DOCK3: variants seen among roughly 807,000 people sequenced by gnomAD.
The protein encoded by DOCK3 is dedicator of cytokinesis protein 3.
DOCK3 carries 60 observed loss-of-function variants against 265.6 expected under a neutral mutation model. That is an observed-to-expected ratio of 0.23 (90% CI 0.18 to 0.28). The LOEUF (loss-of-function observed/expected upper bound fraction) is 0.28, where lower values mean the gene tolerates loss of function less well. Among genes scored for constraint, DOCK3 ranks in the 10% least tolerant of loss-of-function variants. The pLI is 1.00. For synonymous variants in DOCK3, 881 were observed against 938.0 expected (o/e 0.94, Z 1.11); for missense variants, 1,981 against 2,594.3 (o/e 0.76, Z 5.14).
intron 19 of DOCK3, among the ~76,000 whole-genome samples, chr3:51,233,237 G>A (rs1041550820): frequency 6.6e-6 from 1 of 152,048 alleles, no homozygotes; most frequent in Non-Finnish European, 1.5e-5. Context: ...TAACAATATC[G>A]ATTCTTCCAA....
intron 12 of DOCK3, among the ~76,000 whole-genome samples, chr3:51,198,633 C>T (rs951411236): frequency 3.3e-5 from 5 of 149,350 alleles, no homozygotes; most frequent in Admixed American, 6.7e-5. Flanking sequence ...GAGACTATGA[C>T]TAATACAATC....
chr3:50,833,080 C>CTGGG (rs1357765461), intron 2 of DOCK3, among the ~76,000 whole-genome samples: 3 of 152,060 alleles, frequency 2.0e-5, no homozygotes, highest in African/African-American at 7.2e-5. Flanking sequence ...GTTGTTGGAA[C>CTGGG]CAAGCTGATA....
chr3:51,272,820 C>T (rs1471111103), intron 24 of DOCK3, among the ~76,000 whole-genome samples: 1 of 151,942 alleles, frequency 6.6e-6, no homozygotes, highest in Non-Finnish European at 1.5e-5. Flanking sequence ...GTTTGGGGCA[C>T]ACTGTCACTG....
At chr3:51,360,721 T>TA in intron 47 of DOCK3, 89 bp downstream of exon 47, 1 of 1,539,028 alleles carries the variant, frequency 6.5e-7, no homozygotes, top group Non-Finnish European at 8.8e-7. Flanking sequence ...TGTATACTCA[T>TA]ATTCCCTCTT....
intron 12 of DOCK3, among the ~76,000 whole-genome samples, chr3:51,200,472 A>C (rs1444962618): frequency 9.2e-6 from 1 of 108,966 alleles, no homozygotes; most frequent in African/African-American, 3.7e-5. Flanking sequence ...AGTTTAGAGA[A>C]AAAAGAATAA....
At chr3:51,312,202 T>G (rs1300907996) in intron 29 of DOCK3, 123 bp downstream of exon 29, 2 of 908,710 alleles carry the variant, frequency 2.2e-6, no homozygotes, top group African/African-American at 1.7e-5. Flanking sequence ...AGCCTGATGA[T>G]GATTAGAATA....
At chr3:51,173,470 T>C (rs2086789851) in intron 12 of DOCK3, among the ~76,000 whole-genome samples, 1 of 152,234 alleles carries the variant, frequency 6.6e-6, no homozygotes, top group Non-Finnish European at 1.5e-5. Flanking sequence ...AGTGTTCTTG[T>C]ATTTCAGCTT....
chr3:51,008,200 T>G (rs570656290), intron 5 of DOCK3, among the ~76,000 whole-genome samples: 1 of 152,228 alleles, frequency 6.6e-6, no homozygotes, highest in Non-Finnish European at 1.5e-5. Flanking sequence ...ATTGAATCTA[T>G]AAATTACCTT....
At chr3:51,121,660 T>C (rs2084023940) in intron 9 of DOCK3, among the ~76,000 whole-genome samples, 1 of 152,162 alleles carries the variant, frequency 6.6e-6, no homozygotes, top group Non-Finnish European at 1.5e-5. Flanking sequence ...TGTATTTTTC[T>C]AAGAGGCGTA....
intron 2 of DOCK3, among the ~76,000 whole-genome samples, chr3:50,832,995 T>A (rs1389361029): frequency 6.6e-6 from 1 of 152,182 alleles, no homozygotes; most frequent in Non-Finnish European, 1.5e-5. Context: ...CAGCAATATA[T>A]TCCACCACAG....
intron 9 of DOCK3, among the ~76,000 whole-genome samples, chr3:51,121,220 T>C (rs1392598946): frequency 6.6e-6 from 1 of 152,156 alleles, no homozygotes; most frequent in African/African-American, 2.4e-5. Context: ...GCAGGGTCCC[T>C]CATGGCTTCC....
chr3:50,687,489 C>T (rs1033071958), intron 1 of DOCK3, among the ~76,000 whole-genome samples: 10 of 152,328 alleles, frequency 6.6e-5, no homozygotes, highest in Admixed American at 3.3e-4. Context: ...AAAACTCTGG[C>T]CAGTGATCTA....
intron 27 of DOCK3, among the ~76,000 whole-genome samples, chr3:51,297,781 A>G (rs2082172037): frequency 1.3e-5 from 1 of 75,174 alleles, no homozygotes; most frequent in Admixed American, 1.6e-4. Flanking sequence ...CAAAAATAAT[A>G]ATAATAATAA....
intron 6 of DOCK3, among the ~76,000 whole-genome samples, chr3:51,068,539 GAAAAAAAAAAAAAA>G (rs1160597168): frequency 4.4e-5 from 2 of 45,702 alleles, no homozygotes; most frequent in African/African-American, 1.4e-4. Flanking sequence ...GACTCCGTCT[GAAAAAAAAAAAAAA>G]AAAAAAAAAG....
intron 10 of DOCK3, among the ~76,000 whole-genome samples, chr3:51,157,968 G>C (rs1460567467): frequency 6.6e-6 from 1 of 151,004 alleles, no homozygotes; most frequent in East Asian, 2.0e-4. Flanking sequence ...TAATTGAAGA[G>C]AGACAGGCAT....
intron 12 of DOCK3, among the ~76,000 whole-genome samples, chr3:51,184,168 G>T (rs144885094): frequency 6.6e-6 from 1 of 152,118 alleles, no homozygotes; most frequent in South Asian, 2.1e-4. Context: ...AAAATTAGCC[G>T]GCCAAGGTGG....
At chr3:50,933,014 A>G (rs936574316) in intron 4 of DOCK3, among the ~76,000 whole-genome samples, 3 of 152,196 alleles carry the variant, frequency 2.0e-5, no homozygotes, top group Non-Finnish European at 4.4e-5. Flanking sequence ...CACATCTTAC[A>G]TGGCAGCAGA....
At chr3:51,248,849 C>T (rs1351098255) in intron 22 of DOCK3, among the ~76,000 whole-genome samples, 3 of 149,738 alleles carry the variant, frequency 2.0e-5, no homozygotes, top group Non-Finnish European at 3.0e-5. Context: ...CCCGCCGCCC[C>T]GTCTGGGATG....
chr3:51,129,404 G>C (rs2084409788), intron 9 of DOCK3, among the ~76,000 whole-genome samples: 1 of 152,210 alleles, frequency 6.6e-6, no homozygotes, highest in African/African-American at 2.4e-5. Flanking sequence ...GTGCAGGCTA[G>C]GGGAGAGAAG....
Sources: gnomAD v4.1 joint callset for allele counts (sites outside exome capture counted in the v4.1 genomes callset) on GRCh38, gnomAD v4.1.1 for gene constraint, MANE v1.5 for transcripts, NCBI Gene and HGNC (gene_info 2026-07-23, HGNC 2026-07-21) for gene names.